The following HIKESHI variants were observed in gnomAD, a reference collection of about 807,000 sequenced individuals.
HIKESHI encodes the protein heat shock protein nuclear import factor hikeshi.
HIKESHI carries 13 observed loss-of-function variants against 25.7 expected under a neutral mutation model. That is an observed-to-expected ratio of 0.51 (90% CI 0.33 to 0.80). HIKESHI has a LOEUF of 0.80. HIKESHI is among the 30% of genes least tolerant of loss of function. The probability of loss-of-function intolerance (pLI) is 0.02; values close to 1 mark genes in which losing one functional copy is unlikely to be tolerated. For synonymous variants in HIKESHI, 76 were observed against 78.7 expected (o/e 0.97, Z 0.18); for missense variants, 174 against 229.5 (o/e 0.76, Z 1.56).
At chr11:86,333,640 C>CAAG (rs1947476250) in intron 2 of HIKESHI, among the ~76,000 whole-genome samples, 1 of 151,554 alleles carries the variant, frequency 6.6e-6, no homozygotes, top group Non-Finnish European at 1.5e-5. Context: ...TTGTCATGGA[C>CAAG]AAGTAGTAAA....
intron 2 of HIKESHI, among the ~76,000 whole-genome samples, chr11:86,334,234 A>ATGTG (rs1555186477): frequency 3.2e-5 from 4 of 125,840 alleles, no homozygotes; most frequent in Admixed American, 1.8e-4. Flanking sequence ...TCTTTGTAAA[A>ATGTG]TATGTGTGTG....
intron 2 of HIKESHI, among the ~76,000 whole-genome samples, chr11:86,315,925 C>A (rs948034965): frequency 1.3e-5 from 2 of 151,494 alleles, no homozygotes; most frequent in East Asian, 3.9e-4. Context: ...TTTTGAGGTC[C>A]GGTTCTTAAA....
intron 2 of HIKESHI, among the ~76,000 whole-genome samples, chr11:86,332,846 G>A (rs189302269): frequency 4.2e-4 from 64 of 152,328 alleles, no homozygotes; most frequent in East Asian, 3.1e-3. Flanking sequence ...TTGTGGGACC[G>A]ATTTGGCCTG....
chr11:86,324,705 T>A (rs1045876393), intron 2 of HIKESHI, among the ~76,000 whole-genome samples: 1 of 152,196 alleles, frequency 6.6e-6, no homozygotes, highest in Non-Finnish European at 1.5e-5. Flanking sequence ...TTCAAGCTTG[T>A]GGGTTTAAGT....
intron 1 of HIKESHI, chr11:86,303,535 G>C (rs1474211858): frequency 3.7e-6 from 1 of 269,330 alleles, no homozygotes; most frequent in African/African-American, 2.3e-5. Flanking sequence ...AGACGAGTGA[G>C]TGTTATTAAT....
At chr11:86,305,215 G>A (rs1264074346) in intron 1 of HIKESHI, among the ~76,000 whole-genome samples, 1 of 150,184 alleles carries the variant, frequency 6.7e-6, no homozygotes, top group East Asian at 2.0e-4. Flanking sequence ...GCCCTGGCTG[G>A]TCTTGAACTC....
At chr11:86,321,584 C>T (rs938839322) in intron 2 of HIKESHI, among the ~76,000 whole-genome samples, 1 of 151,878 alleles carries the variant, frequency 6.6e-6, no homozygotes, top group Non-Finnish European at 1.5e-5. Flanking sequence ...GGCAGGAGTG[C>T]AGTGGCATGA....
At chr11:86,314,239 G>C (rs172364) in intron 2 of HIKESHI, among the ~76,000 whole-genome samples, 94,224 of 151,972 alleles carry the variant, frequency 0.62, 29,404 homozygotes, top group East Asian at 0.79. Flanking sequence ...GCTCTGAGGC[G>C]TCTGTGAAGA....
chr11:86,338,072 C>T (rs1593869621), intron 3 of HIKESHI, among the ~76,000 whole-genome samples: 2 of 152,128 alleles, frequency 1.3e-5, no homozygotes, highest in Admixed American at 1.3e-4. Flanking sequence ...TACAAGTATA[C>T]ATTATTAGTA....
At position 86,344,430 on chromosome 11, in the gene HIKESHI, A is replaced by G. The variant is rs12289477; in HGVS notation, c.421-173A>G. The G allele has an allele frequency of 0.27, 118,544 of 446,420 alleles. 17,622 individuals are homozygous for G. The highest frequency in any genetic ancestry group is 0.31 in the Non-Finnish European group (78,292 of 252,170). The allele number at this position is 446,420 out of a possible 1,614,324, so 27.7% of individuals were successfully genotyped here. A position where few individuals can be genotyped will look rare whatever the true frequency, so the allele number is the denominator to read the frequency against. ...TGATTCTCCTGCCTCAGCCTCCCAA[A>G]GTTTTGGGATTACAGGCATGAGCCA... is the stretch of plus-strand genomic sequence containing the variant. On this transcript the variant is annotated intron_variant, in intron 3 of 4. Coordinates refer to ENST00000278483, the MANE Select transcript of HIKESHI (RefSeq NM_016401.4).
chr11:86,315,374 G>A (rs1946947185), intron 2 of HIKESHI, among the ~76,000 whole-genome samples: 1 of 151,568 alleles, frequency 6.6e-6, no homozygotes, highest in African/African-American at 2.4e-5. Context: ...AGGCTGGAGT[G>A]CAATGGCACA....
chr11:86,302,940 GA>G (rs1305517657), intron 1 of HIKESHI, among the ~76,000 whole-genome samples: 1 of 152,188 alleles, frequency 6.6e-6, no homozygotes, highest in African/African-American at 2.4e-5. Context: ...GTTTTTCAAA[GA>G]TTAAGGTGCT....
intron 2 of HIKESHI, among the ~76,000 whole-genome samples, chr11:86,314,378 G>A (rs868278703): frequency 1.1e-4 from 17 of 152,104 alleles, no homozygotes; most frequent in Admixed American, 7.2e-4. Context: ...CATTTTGGGA[G>A]GCCGAGGAGG....
At chr11:86,335,893 A>C (rs1170092092) in intron 2 of HIKESHI, among the ~76,000 whole-genome samples, 1 of 152,250 alleles carries the variant, frequency 6.6e-6, no homozygotes, top group Non-Finnish European at 1.5e-5. Context: ...GAAACATACA[A>C]AGAAACAAAG....
At chr11:86,344,251 C>CT (rs890790045) in intron 3 of HIKESHI, 72 of 173,312 alleles carry the variant, frequency 4.2e-4, no homozygotes, top group South Asian at 1.0e-3. Context: ...AAATTTTTTT[C>CT]TTTTTTTTTC....
chr11:86,334,727 T>C (rs1947505086), intron 2 of HIKESHI, among the ~76,000 whole-genome samples: 1 of 152,154 alleles, frequency 6.6e-6, no homozygotes, highest in South Asian at 2.1e-4. Flanking sequence ...CAGCTCACTG[T>C]AGTCTCGATC....
chr11:86,310,718 T>C (rs1392783615), intron 2 of HIKESHI, among the ~76,000 whole-genome samples: 1 of 152,200 alleles, frequency 6.6e-6, no homozygotes, highest in Non-Finnish European at 1.5e-5. Context: ...ATAGCTCTTA[T>C]TATTTTGAGA....
At chr11:86,307,171 A>T (rs1946653159) in intron 2 of HIKESHI, among the ~76,000 whole-genome samples, 1 of 95,822 alleles carries the variant, frequency 1.0e-5, no homozygotes, top group Admixed American at 1.4e-4. Context: ...AATATACATC[A>T]TATATCAAAT....
intron 2 of HIKESHI, 142 bp from the exon 3 acceptor site, chr11:86,337,237 T>C: frequency 1.4e-6 from 1 of 724,756 alleles, no homozygotes; most frequent in South Asian, 2.1e-5. Context: ...AGTAGGCTTT[T>C]GCATTTATCT....
Sources: gnomAD v4.1 joint callset for allele counts (sites outside exome capture counted in the v4.1 genomes callset) on GRCh38, gnomAD v4.1.1 for gene constraint, MANE v1.5 for transcripts, NCBI Gene and HGNC (gene_info 2026-07-23, HGNC 2026-07-21) for gene names.